PRKCB: variants seen among roughly 807,000 people sequenced by gnomAD.
The protein encoded by PRKCB is protein kinase C beta.
Under a neutral mutation model 81.5 loss-of-function variants are expected in PRKCB, and 13 were observed. The ratio of observed to expected loss-of-function variants is 0.16; its 90% CI spans 0.10 to 0.25. PRKCB has a LOEUF of 0.25. PRKCB is among the 10% of genes least tolerant of loss of function. The pLI is 1.00. For synonymous variants in PRKCB, 335 were observed against 321.4 expected, an observed-to-expected ratio of 1.04 and a Z score of -0.45; for missense variants, 509 against 875.7, an observed-to-expected ratio of 0.58 and a Z score of 5.29.
rs752911153 is a variant in PRKCB at position 24,217,524 on chromosome 16, G to T, written c.*2708G>T. ...ACCTCAAAGAAATGATCTCAACAGA[G>T]AAGCTTATTCTCTCCCAACTTCTAC... On this transcript the variant is annotated 3_prime_UTR_variant, in exon 17 of 17. Coordinates refer to ENST00000643927, the MANE Select transcript of PRKCB (RefSeq NM_002738.7). 3.6e-5 allele frequency: 35 copies of T among 985,340 alleles called. No individual in the cohort carries two copies. The highest frequency in any genetic ancestry group is 4.0e-5 in the Non-Finnish European group (33 of 829,962). The allele number at this position is 985,340 out of a possible 1,614,324, so 61.0% of individuals were successfully genotyped here.
intron 2 of PRKCB, among the ~76,000 whole-genome samples, chr16:23,890,917 C>T (rs1963282676): frequency 6.6e-6 from 1 of 152,028 alleles, no homozygotes; most frequent in Admixed American, 6.6e-5. Flanking sequence ...CACTTCATCC[C>T]TGAAGATGAA....
intron 10 of PRKCB, among the ~76,000 whole-genome samples, chr16:24,166,379 G>A (rs1046884645): frequency 4.6e-5 from 7 of 152,146 alleles, no homozygotes; most frequent in African/African-American, 7.2e-5. Flanking sequence ...GACAAGTCAC[G>A]TTTGGGTGGA....
chr16:23,937,508 T>C (rs1010143167), intron 2 of PRKCB, among the ~76,000 whole-genome samples: 1 of 152,156 alleles, frequency 6.6e-6, no homozygotes, highest in Non-Finnish European at 1.5e-5. Flanking sequence ...CAAATGCCCA[T>C]AGAATAGGAG....
intron 8 of PRKCB, among the ~76,000 whole-genome samples, chr16:24,119,001 C>A (rs1206300621): frequency 1.3e-5 from 2 of 152,106 alleles, no homozygotes; most frequent in Non-Finnish European, 2.9e-5. Context: ...GTTAGCAGAT[C>A]CCCTTCTTCA....
chr16:23,937,214 G>A (rs900352450), intron 2 of PRKCB, among the ~76,000 whole-genome samples: 2 of 152,138 alleles, frequency 1.3e-5, no homozygotes, highest in Admixed American at 1.3e-4. Context: ...GACTCTTTGA[G>A]GCAAGGCCCA....
At chr16:23,888,073 C>A (rs987250147) in intron 2 of PRKCB, among the ~76,000 whole-genome samples, 4 of 152,220 alleles carry the variant, frequency 2.6e-5, no homozygotes, top group African/African-American at 9.6e-5. Flanking sequence ...TCTCCCTCCT[C>A]CTTTAGCGCA....
intron 10 of PRKCB, among the ~76,000 whole-genome samples, chr16:24,164,239 G>A (rs975516914): frequency 6.6e-6 from 1 of 152,050 alleles, no homozygotes; most frequent in Non-Finnish European, 1.5e-5. Context: ...TGCTTCCTCT[G>A]GAGACCTCCA....
At chr16:24,008,610 C>T (rs1352250889) in intron 3 of PRKCB, among the ~76,000 whole-genome samples, 2 of 152,204 alleles carry the variant, frequency 1.3e-5, no homozygotes, top group African/African-American at 4.8e-5. Context: ...ACACGTCCCT[C>T]CCCATCCATC....
At chr16:24,005,816 T>C (rs1334929539) in intron 3 of PRKCB, among the ~76,000 whole-genome samples, 1 of 152,192 alleles carries the variant, frequency 6.6e-6, no homozygotes, top group Non-Finnish European at 1.5e-5. Context: ...CTTGGCTCAG[T>C]AAAGCAACGT....
At chr16:23,881,572 A>T (rs1323801332) in intron 2 of PRKCB, among the ~76,000 whole-genome samples, 1 of 152,256 alleles carries the variant, frequency 6.6e-6, no homozygotes, top group South Asian at 2.1e-4. Context: ...TTTTTAAAAA[A>T]ATATTTTATT....
chr16:24,128,444 G>A lies in PRKCB; in HGVS notation c.1065+4463G>A, dbSNP rs188871180. On this transcript the variant is annotated intron_variant, in intron 9 of 16. Coordinates refer to ENST00000643927, the MANE Select transcript of PRKCB (RefSeq NM_002738.7). The stretch of plus-strand genomic sequence containing the variant: ...ACTAGGGAATGGCACAAGCCTTTTG[G>A]TAAGCCCTGTAAAAATGAAACAAGG... Among the ~76,000 whole-genome samples the A allele has an allele frequency of 1.6e-4, 24 of 152,360 alleles. 1 individual carries two copies. Among genetic ancestry groups the A allele is most frequent in the African/African-American group, 5.5e-4 (23 of 41,588 alleles).
At chr16:24,093,784 C>A (rs1966405632) in intron 6 of PRKCB, among the ~76,000 whole-genome samples, 1 of 152,182 alleles carries the variant, frequency 6.6e-6, no homozygotes, top group South Asian at 2.1e-4. Flanking sequence ...CATGCATTTC[C>A]TCAGCCTCAT....
chr16:24,167,882 C>A (rs1400170582), intron 10 of PRKCB, among the ~76,000 whole-genome samples: 1 of 152,210 alleles, frequency 6.6e-6, no homozygotes, highest in Admixed American at 6.5e-5. Context: ...CTTCAACTTT[C>A]TCCTCTTTAG....
intron 5 of PRKCB, among the ~76,000 whole-genome samples, chr16:24,072,601 G>A (rs1157947536): frequency 7.3e-6 from 1 of 136,984 alleles, no homozygotes; most frequent in Non-Finnish European, 1.5e-5. Flanking sequence ...TTTTTTTTGA[G>A]ATGGAGTTTC....
chr16:24,044,046 T>A (rs930949027), intron 5 of PRKCB, among the ~76,000 whole-genome samples: 7 of 152,056 alleles, frequency 4.6e-5, no homozygotes, highest in African/African-American at 1.7e-4. Flanking sequence ...TATGTGATAC[T>A]AGGTAGTTGT....
intron 5 of PRKCB, among the ~76,000 whole-genome samples, chr16:24,048,840 C>T (rs1229913441): frequency 6.6e-6 from 1 of 152,062 alleles, no homozygotes; most frequent in Non-Finnish European, 1.5e-5. Context: ...ACTCTACAAG[C>T]GTTCCTTCAG....
intron 2 of PRKCB, among the ~76,000 whole-genome samples, chr16:23,905,000 CT>C (rs1963534917): frequency 6.6e-6 from 1 of 150,740 alleles, no homozygotes; most frequent in South Asian, 2.1e-4. Context: ...CTTCTCTTCA[CT>C]GTTTTCTACA....
intron 2 of PRKCB, among the ~76,000 whole-genome samples, chr16:23,923,530 C>A (rs1963855483): frequency 1.3e-5 from 2 of 151,994 alleles, no homozygotes; most frequent in Non-Finnish European, 2.9e-5. Flanking sequence ...ATTATGTGGA[C>A]CAAGAGTGGG....
intron 9 of PRKCB, among the ~76,000 whole-genome samples, chr16:24,133,522 T>C (rs1225851410): frequency 6.6e-6 from 1 of 152,228 alleles, no homozygotes; most frequent in Non-Finnish European, 1.5e-5. Flanking sequence ...GTGAGTGCAG[T>C]GACTCCTTAG....
Sources: allele counts gnomAD v4.1 joint callset (sites outside exome capture counted in the v4.1 genomes callset), GRCh38; gene constraint gnomAD v4.1.1; transcripts MANE v1.5; gene names NCBI Gene and HGNC (gene_info 2026-07-23, HGNC 2026-07-21).